LPAR3: variants seen among roughly 807,000 people sequenced by gnomAD.
The protein encoded by LPAR3 is lysophosphatidic acid receptor 3, also known as LPA receptor 3.
A neutral mutation model predicts 17.8 loss-of-function variants in LPAR3; 7 were observed. The ratio of observed to expected loss-of-function variants is 0.39; its 90% CI spans 0.22 to 0.74. The LOEUF (loss-of-function observed/expected upper bound fraction) is 0.74. LPAR3 is among the 30% of genes least tolerant of loss of function. The pLI is 0.40. For missense variants in LPAR3, 391 were observed against 453.4 expected (o/e 0.86, Z 1.25); for synonymous variants, 179 against 179.9 (o/e 0.99, Z 0.04).
At chr1:84,854,179 G>C (rs1467224432) in intron 2 of LPAR3, among the ~76,000 whole-genome samples, 1 of 152,078 alleles carries the variant, frequency 6.6e-6, no homozygotes. Context: ...AGTCTGCCCA[G>C]TCTCCCCTTT....
chr1:84,845,289 C>T (rs1659575244), intron 2 of LPAR3, among the ~76,000 whole-genome samples: 1 of 152,184 alleles, frequency 6.6e-6, no homozygotes, highest in Non-Finnish European at 1.5e-5. Flanking sequence ...TAGCATTCTA[C>T]CTGTATTTCA....
intron 2 of LPAR3, among the ~76,000 whole-genome samples, chr1:84,815,027 G>A (rs922933181): frequency 4.6e-5 from 7 of 152,032 alleles, no homozygotes; most frequent in Non-Finnish European, 1.0e-4. Flanking sequence ...TAGCAATAAC[G>A]ACTCATCTTT....
chr1:84,868,745 C>T (rs1203799834), intron 1 of LPAR3, among the ~76,000 whole-genome samples: 6 of 152,132 alleles, frequency 3.9e-5, no homozygotes, highest in Non-Finnish European at 4.4e-5. Context: ...CAGCATTTGC[C>T]CCCTTCTGGA....
intron 1 of LPAR3, among the ~76,000 whole-genome samples, chr1:84,884,210 C>T (rs1052069462): frequency 6.6e-6 from 1 of 152,230 alleles, no homozygotes; most frequent in African/African-American, 2.4e-5. Flanking sequence ...GGTTCGGCTC[C>T]AGCCAGTGGA....
At chr1:84,816,062 G>A (rs1242958055) in intron 2 of LPAR3, among the ~76,000 whole-genome samples, 1 of 152,154 alleles carries the variant, frequency 6.6e-6, no homozygotes, top group Non-Finnish European at 1.5e-5. Flanking sequence ...TGTAAACTGA[G>A]GACTGACTTT....
At chr1:84,824,237 C>T (rs1659106267) in intron 2 of LPAR3, among the ~76,000 whole-genome samples, 1 of 152,098 alleles carries the variant, frequency 6.6e-6, no homozygotes, top group African/African-American at 2.4e-5. Flanking sequence ...GTGGCAGGCA[C>T]TGGGGTAGCG....
intron 2 of LPAR3, among the ~76,000 whole-genome samples, chr1:84,833,225 C>A (rs1235510406): frequency 6.6e-6 from 1 of 152,160 alleles, no homozygotes. Context: ...GACTTTCCTG[C>A]TGCCCCCTAG....
At position 84,865,373 on chromosome 1, in the gene LPAR3, C is replaced by G; in HGVS notation, c.736+12G>C. 3 of 1,595,760 alleles carry G rather than the reference C, an allele frequency of 1.9e-6. No homozygotes were observed. The highest frequency in any genetic ancestry group is 2.6e-6 in the Non-Finnish European group (3 of 1,170,236). ...AATGGGAATGATGGCTTGCTTGGGTCCTCTTACCTACCTAAGACAGTCATC... is the reference window on the plus strand; with the variant it reads ...AATGGGAATGATGGCTTGCTTGGGTGCTCTTACCTACCTAAGACAGTCATC... On this transcript the variant is annotated intron_variant, in intron 2 of 2. Transcript: ENST00000370611.
intron 1 of LPAR3, among the ~76,000 whole-genome samples, chr1:84,877,627 C>T (rs542506249): frequency 5.3e-5 from 8 of 152,324 alleles, no homozygotes; most frequent in African/African-American, 1.9e-4. Flanking sequence ...AACTTTTGAA[C>T]CTCTATAATC....
intron 1 of LPAR3, among the ~76,000 whole-genome samples, chr1:84,878,800 G>C (rs188593632): frequency 9.2e-5 from 14 of 152,208 alleles, no homozygotes; most frequent in African/African-American, 3.4e-4. Context: ...TTTGGAACTG[G>C]AAAGCCTCCG....
intron 2 of LPAR3, among the ~76,000 whole-genome samples, chr1:84,818,476 T>C (rs1658984297): frequency 6.6e-6 from 1 of 152,204 alleles, no homozygotes; most frequent in African/African-American, 2.4e-5. Context: ...AGGAAAACAT[T>C]GGCAATTTAT....
chr1:84,863,032 G>A (rs1659969206), intron 2 of LPAR3, among the ~76,000 whole-genome samples: 1 of 151,466 alleles, frequency 6.6e-6, no homozygotes, highest in Non-Finnish European at 1.5e-5. Flanking sequence ...TGTCTTCTTG[G>A]TACAGGGCTC....
At chr1:84,814,215 G>T in intron 2 of LPAR3, 44 bp from the exon 3 acceptor site, 1 of 1,527,610 alleles carries the variant, frequency 6.5e-7, no homozygotes, top group Non-Finnish European at 9.0e-7. Context: ...AGACCTTAGG[G>T]GACTTATTCA....
intron 2 of LPAR3, among the ~76,000 whole-genome samples, chr1:84,824,249 T>C (rs947905884): frequency 6.6e-6 from 1 of 152,092 alleles, no homozygotes; most frequent in East Asian, 1.9e-4. Flanking sequence ...GGGGTAGCGG[T>C]TGAAACCATG....
At chr1:84,866,966 C>T (rs9324144) in intron 1 of LPAR3, among the ~76,000 whole-genome samples, 114,550 of 152,074 alleles carry the variant, frequency 0.75, 44,258 homozygotes, top group African/African-American at 0.92. Context: ...CGGGCTTCCA[C>T]AGGCAAGACT....
At chr1:84,853,245 A>G (rs1659754981) in intron 2 of LPAR3, among the ~76,000 whole-genome samples, 4 of 152,208 alleles carry the variant, frequency 2.6e-5, no homozygotes, top group African/African-American at 9.7e-5. Context: ...TAAGGACAAG[A>G]GTAGGCTCGT....
intron 2 of LPAR3, among the ~76,000 whole-genome samples, chr1:84,853,666 C>T (rs1659763543): frequency 6.6e-6 from 1 of 152,202 alleles, no homozygotes; most frequent in Non-Finnish European, 1.5e-5. Context: ...CCATGATGGA[C>T]CAGCTCTGCC....
intron 1 of LPAR3, among the ~76,000 whole-genome samples, chr1:84,879,260 C>T (rs1331273558): frequency 1.3e-5 from 2 of 151,386 alleles, no homozygotes; most frequent in Admixed American, 1.3e-4. Flanking sequence ...GCTTTATGTT[C>T]TGTAGGACAG....
intron 2 of LPAR3, among the ~76,000 whole-genome samples, chr1:84,848,189 G>A (rs902352159): frequency 2.6e-5 from 4 of 152,222 alleles, no homozygotes; most frequent in South Asian, 4.1e-4. Flanking sequence ...TCAGATAGTG[G>A]CTGTTGGAAG....
Sources: gnomAD v4.1 joint callset for allele counts (sites outside exome capture counted in the v4.1 genomes callset) on GRCh38, gnomAD v4.1.1 for gene constraint, MANE v1.5 for transcripts, NCBI Gene and HGNC (gene_info 2026-07-23, HGNC 2026-07-21) for gene names.